CAMLG: variants seen among roughly 807,000 people sequenced by gnomAD.
CAMLG encodes the protein guided entry of tail-anchored proteins factor CAMLG.
CAMLG carries 23 observed loss-of-function variants against 28.9 expected under a neutral mutation model. The ratio of observed to expected loss-of-function variants is 0.80; its 90% CI spans 0.57 to 1.13. The LOEUF is 1.13. Ranked by LOEUF, CAMLG falls within the 50% of genes most tolerant of loss-of-function variation. The pLI is 0.00. For missense variants in CAMLG, 367 were observed against 371.9 expected, an observed-to-expected ratio of 0.99 and a Z score of 0.11; for synonymous variants, 141 against 146.5, an observed-to-expected ratio of 0.96 and a Z score of 0.27.
chr5:134,751,382 CTA>C lies in CAMLG; in HGVS notation c.*433_*434del, dbSNP rs1253270183. On this transcript the variant is annotated 3_prime_UTR_variant, in exon 4 of 4. Transcript: ENST00000297156. ...AATAAAATGAAAGAAACTGAATTGT[CTA>C]ATGTTAACTCTGCACATTGTAACTT... The C allele has an allele frequency of 6.5e-6, 1 of 154,148 alleles. No homozygotes were observed. The highest frequency in any genetic ancestry group is 2.4e-5 in the African/African-American group (1 of 41,470). The allele number at this position is 154,148 out of a possible 1,614,324, so 9.5% of individuals were successfully genotyped here. A position where few individuals can be genotyped will look rare whatever the true frequency, so the allele number is the denominator to read the frequency against.
Position 134,741,422 on chromosome 5 carries a change from G to T in CAMLG, c.532G>T (p.Asp178Tyr), listed in dbSNP as rs200087327. The change falls in exon 2 of 4, where the codon GAT (aspartate) becomes TAT (tyrosine). Residue 178 changes from aspartate to tyrosine, a missense_variant. Coordinates refer to ENST00000297156, the MANE Select transcript of CAMLG (RefSeq NM_001745.4). ...QLISEKPSQE[D>Y]GNTTEEFDSF... ...GATTAGTGAAAAACCCAGTCAAGAG[G>T]ATGGAAATACAACAGAAGAATTTGA... is the stretch of plus-strand genomic sequence containing the variant. The T allele has an allele frequency of 9.9e-6, 16 of 1,613,850 alleles. No homozygotes were observed. Among genetic ancestry groups the T allele is most frequent in the Non-Finnish European group, 1.3e-5 (15 of 1,179,818 alleles).
chr5:134,747,864 T>C (rs1753069486), intron 3 of CAMLG, among the ~76,000 whole-genome samples: 1 of 149,004 alleles, frequency 6.7e-6, no homozygotes, highest in South Asian at 2.1e-4. Flanking sequence ...ATGGTCTCTT[T>C]CTTTTTTTTT....
chr5:134,743,821 G>A (rs772672044), intron 2 of CAMLG, among the ~76,000 whole-genome samples, 166 bp from the exon 3 acceptor site: 6 of 151,924 alleles, frequency 3.9e-5, no homozygotes, highest in East Asian at 3.9e-4. Flanking sequence ...AACCAAGATC[G>A]TGCCACTGCA....
At chr5:134,748,373 C>T (rs945243567) in intron 3 of CAMLG, among the ~76,000 whole-genome samples, 1 of 151,982 alleles carries the variant, frequency 6.6e-6, no homozygotes, top group African/African-American at 2.4e-5. Context: ...ATGGTGAAAC[C>T]CCATCTCTAC....
At position 134,750,860 on chromosome 5, in the gene CAMLG, G is replaced by A. The variant is rs1376110604; in HGVS notation, c.801G>A (p.Met267Ile). 1.2e-6 allele frequency: 2 copies of A among 1,613,906 alleles called. No homozygotes were observed. Among genetic ancestry groups the A allele is most frequent in the East Asian group, 2.2e-5 (1 of 44,868 alleles). Residue 267 changes from methionine to isoleucine, a missense_variant, in exon 4 of 4, where the codon ATG becomes ATA. By Grantham distance (10) the Met-to-Ile change is conservative. Transcript: ENST00000297156. ...GATCAATGGATACCTATAGCAAAAT[G>A]GGCGAAGTCTTCACAGATCTCTGTG... is the stretch of plus-strand genomic sequence containing the variant. Reference protein sequence around the residue: ...INRSMDTYSKMGEVFTDLCVY... With the variant: ...INRSMDTYSKIGEVFTDLCVY...
chr5:134,749,747 C>G (rs2150122603), intron 3 of CAMLG, among the ~76,000 whole-genome samples: 1 of 152,300 alleles, frequency 6.6e-6, no homozygotes, highest in East Asian at 1.9e-4. Flanking sequence ...AGACGGGGGT[C>G]TCACTTTGTC....
chr5:134,745,175 C>T (rs1287574129), intron 3 of CAMLG, among the ~76,000 whole-genome samples: 4 of 152,100 alleles, frequency 2.6e-5, no homozygotes, highest in East Asian at 1.9e-4. Context: ...CGGTGGCTCA[C>T]GCCTGTAATC....
Position 134,745,727 on chromosome 5 carries a change from T to G in CAMLG, c.699+1675T>G, listed in dbSNP as rs371557054. 2.0e-5 allele frequency among the ~76,000 whole-genome samples: 3 copies of G among 149,844 alleles called. No individual in the cohort carries two copies. In the East Asian group the frequency reaches 5.9e-4, roughly 29 times the overall value. On this transcript the variant is annotated intron_variant, in intron 3 of 3. Coordinates refer to ENST00000297156, the MANE Select transcript of CAMLG (RefSeq NM_001745.4). ...CAGACTGTGCCATTGCACTCCAGCC[T>G]GGGCAACAGAGCGAGACTGTCTCAA...
At position 134,738,757 on chromosome 5, in the gene CAMLG, G is replaced by C. The variant is rs76530671; in HGVS notation, c.137G>C (p.Arg46Pro). Residue 46 changes from arginine (R) to proline (P), a missense_variant, in exon 1 of 4, where the codon CGG becomes CCG. Coordinates refer to ENST00000297156, the MANE Select transcript of CAMLG (RefSeq NM_001745.4). ...ATGAACTCGGAACAGCGCATCAACCGGATCATGGGCTTTCACAGGCCCGGG... is the reference window on the plus strand; with the variant it reads ...ATGAACTCGGAACAGCGCATCAACCCGATCATGGGCTTTCACAGGCCCGGG... Reference protein sequence around the residue: ...LLMNSEQRINRIMGFHRPGSG... With the variant: ...LLMNSEQRINPIMGFHRPGSG... 6.2e-7 allele frequency: 1 copy of C among 1,613,956 alleles called. No individual in the cohort carries two copies.
rs563884241 is a variant in CAMLG, at chr5:134,738,732, A to G, written c.112A>G (p.Met38Val). The change falls in exon 1 of 4, where the codon ATG (methionine) becomes GTG (valine). Residue 38 changes from methionine (M) to valine (V), a missense_variant. Physicochemically the swap from Met to Val is conservative, Grantham distance 21 (BLOSUM62 1). Transcript: ENST00000297156. ...RAELRRRKLL[M>V]NSEQRINRIM... ...GGAGCTGCGTCGGAGAAAGCTGCTCATGAACTCGGAACAGCGCATCAACCG... is the reference window on the plus strand; with the variant it reads ...GGAGCTGCGTCGGAGAAAGCTGCTCGTGAACTCGGAACAGCGCATCAACCG... The G allele has an allele frequency of 2.2e-5, 36 of 1,614,102 alleles. No homozygotes were observed. Among genetic ancestry groups the G allele is most frequent in the African/African-American group, 2.7e-5 (2 of 75,034 alleles).
chr5:134,744,668 T>C (rs370975081), intron 3 of CAMLG, among the ~76,000 whole-genome samples: 31 of 152,306 alleles, frequency 2.0e-4, no homozygotes, highest in East Asian at 9.6e-4. Flanking sequence ...TTAAGCAAAG[T>C]ATTAAATTTA....
intron 3 of CAMLG, 113 bp from the exon 4 acceptor site, chr5:134,750,646 T>C: frequency 1.5e-6 from 1 of 651,870 alleles, no homozygotes. Flanking sequence ...TGAAACATCA[T>C]TAACAGTTTT....
At chr5:134,743,725 G>T (rs1753011729) in intron 2 of CAMLG, among the ~76,000 whole-genome samples, 1 of 152,042 alleles carries the variant, frequency 6.6e-6, no homozygotes, top group African/African-American at 2.4e-5. Flanking sequence ...AATTAGCCAG[G>T]TGTGGTGGCG....
At chr5:134,750,098 T>A (rs1215728055) in intron 3 of CAMLG, among the ~76,000 whole-genome samples, 2 of 152,270 alleles carry the variant, frequency 1.3e-5, no homozygotes, top group African/African-American at 4.8e-5. Context: ...TGTGAGCTCC[T>A]ATGTCACACA....
Position 134,750,766 on chromosome 5 carries a change from A to G in CAMLG, c.707A>G (p.Lys236Arg). 1 of 1,611,120 alleles carries G rather than the reference A, an allele frequency of 6.2e-7. No homozygotes were observed. Among genetic ancestry groups the G allele is most frequent in the Non-Finnish European group, 8.5e-7 (1 of 1,177,722 alleles). The change falls in exon 4 of 4, where the codon AAG becomes AGG. Residue 236 changes from lysine to arginine, a missense_variant. Physicochemically the swap from Lys to Arg is conservative, Grantham distance 26. Coordinates refer to ENST00000297156, the MANE Select transcript of CAMLG (RefSeq NM_001745.4). ...GAGTCTTTCTCTACACAGAGTGAAA[A>G]GAAGATAAAGACAACAGTACTAACA... is the stretch of plus-strand genomic sequence containing the variant. ...GLYKYFPKSE[K>R]KIKTTVLTAA...
chr5:134,741,849 G>A (rs1752990458), intron 2 of CAMLG, among the ~76,000 whole-genome samples: 1 of 152,324 alleles, frequency 6.6e-6, no homozygotes, highest in East Asian at 1.9e-4. Context: ...GGGAGGCTGA[G>A]GCAGGAGAAT....
At chr5:134,748,176 C>T (rs1753073623) in intron 3 of CAMLG, among the ~76,000 whole-genome samples, 1 of 152,118 alleles carries the variant, frequency 6.6e-6, no homozygotes, top group South Asian at 2.1e-4. Context: ...TGTGATTCGC[C>T]CACCTCCGCT....
Position 134,741,431 on chromosome 5 carries a change from A to G in CAMLG, c.541A>G (p.Thr181Ala), listed in dbSNP as rs1441396738. ...SEKPSQEDGN[T>A]TEEFDSFRIF... ...AAAACCCAGTCAAGAGGATGGAAATACAACAGAAGAATTTGACTCTTTTCG... is the reference window on the plus strand; with the variant it reads ...AAAACCCAGTCAAGAGGATGGAAATGCAACAGAAGAATTTGACTCTTTTCG... Residue 181 changes from threonine to alanine, a missense_variant, in exon 2 of 4, where the codon ACA becomes GCA. By Grantham distance (58) the Thr-to-Ala change is moderately conservative. Transcript: ENST00000297156. 2.5e-6 allele frequency: 4 copies of G among 1,614,054 alleles called. No individual in the cohort carries two copies. Among genetic ancestry groups the G allele is most frequent in the Admixed American group, 1.7e-5 (1 of 60,024 alleles).
At chr5:134,739,352 C>T (rs1192379635) in intron 1 of CAMLG, among the ~76,000 whole-genome samples, 2 of 152,160 alleles carry the variant, frequency 1.3e-5, no homozygotes, top group Non-Finnish European at 2.9e-5. Flanking sequence ...GCCGTCAACA[C>T]TGTCACCTAC....
Sources: allele counts gnomAD v4.1 joint callset (sites outside exome capture counted in the v4.1 genomes callset), GRCh38; gene constraint gnomAD v4.1.1; transcripts MANE v1.5; gene names NCBI Gene and HGNC (gene_info 2026-07-23, HGNC 2026-07-21).